Variants in CSMD1 observed in about 807,000 individuals in gnomAD.
The protein encoded by CSMD1 is CUB and Sushi multiple domains 1, also known as CUB and sushi domain-containing protein 1.
A neutral mutation model predicts 417.5 loss-of-function variants in CSMD1; 213 were observed. The ratio of observed to expected loss-of-function variants is 0.51; its 90% CI spans 0.46 to 0.57. CSMD1 has a LOEUF of 0.57. CSMD1 is among the 20% of genes least tolerant of loss of function. The probability of loss-of-function intolerance (pLI) is 0.00; values close to 1 mark genes in which losing one functional copy is unlikely to be tolerated. For synonymous variants in CSMD1, 2,862 were observed against 1,736.8 expected (o/e 1.65, Z -16.11); for missense variants, 6,923 against 4,529.7 (o/e 1.53, Z -15.17).
At chr8:4,004,926 A>G (rs1815988205) in intron 4 of CSMD1, among the ~76,000 whole-genome samples, 1 of 152,150 alleles carries the variant, frequency 6.6e-6, no homozygotes, top group South Asian at 2.1e-4. Flanking sequence ...TTGTATTTTT[A>G]GTAGAGACAG....
chr8:4,025,167 A>C (rs949370469), intron 4 of CSMD1, among the ~76,000 whole-genome samples: 3 of 152,222 alleles, frequency 2.0e-5, no homozygotes, highest in African/African-American at 4.8e-5. Flanking sequence ...AGCTCCTGTG[A>C]AGAAATGCAC....
chr8:3,393,643 G>A (rs1811481738), intron 17 of CSMD1, among the ~76,000 whole-genome samples: 1 of 151,914 alleles, frequency 6.6e-6, no homozygotes, highest in Non-Finnish European at 1.5e-5. Context: ...TATACACAAT[G>A]GAATAGTATG....
Position 4,420,309 on chromosome 8 carries a change from A to G in CSMD1, c.303-244T>C, listed in dbSNP as rs74495645. Among the ~76,000 whole-genome samples the G allele has an allele frequency of 2.6e-5, 4 of 152,228 alleles. No individual in the cohort carries two copies. The East Asian group carries it at 7.7e-4, about 29-fold the overall frequency. On this transcript the variant is annotated intron_variant, in intron 2 of 69. Coordinates refer to ENST00000635120, the MANE Select transcript of CSMD1 (RefSeq NM_033225.6). Reference sequence around the variant, plus strand: ...TTTCTTCTTGAAAATACTTACTTATATAATATGCCATTGTCTTAAATGCTC... The same window carrying G: ...TTTCTTCTTGAAAATACTTACTTATGTAATATGCCATTGTCTTAAATGCTC...
chr8:4,057,777 T>G (rs1192841515), intron 3 of CSMD1, among the ~76,000 whole-genome samples: 4 of 152,152 alleles, frequency 2.6e-5, no homozygotes, highest in Non-Finnish European at 4.4e-5. Flanking sequence ...CCAGCACCAT[T>G]TAATAAATAG....
At chr8:3,096,778 C>G in intron 47 of CSMD1, 71 bp downstream of exon 47, 1 of 1,006,204 alleles carries the variant, frequency 9.9e-7, no homozygotes, top group Non-Finnish European at 1.4e-6. Flanking sequence ...CTTTATGTTA[C>G]TAAAACATTG....
At chr8:3,763,762 G>A (rs920604633) in intron 5 of CSMD1, among the ~76,000 whole-genome samples, 1 of 152,118 alleles carries the variant, frequency 6.6e-6, no homozygotes, top group African/African-American at 2.4e-5. Flanking sequence ...GATAAATGGT[G>A]GTAGGACAAT....
chr8:3,785,642 T>C (rs1036472431), intron 5 of CSMD1, among the ~76,000 whole-genome samples: 7 of 152,186 alleles, frequency 4.6e-5, no homozygotes, highest in African/African-American at 7.2e-5. Context: ...CGAGTGTTTA[T>C]TGAAGGAAGA....
chr8:2,979,840 C>T (rs1489566573), intron 54 of CSMD1, among the ~76,000 whole-genome samples: 1 of 152,164 alleles, frequency 6.6e-6, no homozygotes, highest in East Asian at 1.9e-4. Flanking sequence ...CCAAAACAAA[C>T]AAAAAGCCAT....
intron 3 of CSMD1, among the ~76,000 whole-genome samples, chr8:4,138,449 C>T (rs1427096258): frequency 6.6e-6 from 1 of 152,046 alleles, no homozygotes. Flanking sequence ...CAAAAAAACA[C>T]AGAACGCAGG....
At chr8:4,899,262 C>T (rs532579355) in intron 1 of CSMD1, among the ~76,000 whole-genome samples, 3 of 152,248 alleles carry the variant, frequency 2.0e-5, no homozygotes, top group African/African-American at 4.8e-5. Context: ...TAAGGTATTG[C>T]CATCCATGCA....
chr8:4,464,185 T>A (rs1213362118), intron 2 of CSMD1, among the ~76,000 whole-genome samples: 1 of 152,296 alleles, frequency 6.6e-6, no homozygotes, highest in East Asian at 1.9e-4. Context: ...CTTACAGGAC[T>A]CTAATTTAGC....
intron 1 of CSMD1, among the ~76,000 whole-genome samples, chr8:4,862,947 A>T: frequency 6.6e-6 from 1 of 151,942 alleles, no homozygotes; most frequent in East Asian, 1.9e-4. Flanking sequence ...TAAGAGAGAT[A>T]ATGGCCACAA....
intron 1 of CSMD1, among the ~76,000 whole-genome samples, chr8:4,695,130 G>C (rs1019701666): frequency 2.6e-5 from 4 of 152,046 alleles, no homozygotes; most frequent in African/African-American, 9.7e-5. Flanking sequence ...CGACCACCGT[G>C]ACTTATCAAA....
Position 3,797,681 on chromosome 8 carries a change from G to C in CSMD1, c.819-43639C>G, listed in dbSNP as rs540344351. On this transcript the variant is annotated intron_variant, in intron 5 of 69. Coordinates refer to ENST00000635120, the MANE Select transcript of CSMD1 (RefSeq NM_033225.6). ...TATCTCTCCAATTAATGGACTTTTGGATTGTTTCACCTTTTGGCTAATACA... is the reference window on the plus strand; with the variant it reads ...TATCTCTCCAATTAATGGACTTTTGCATTGTTTCACCTTTTGGCTAATACA... Among the ~76,000 whole-genome samples the C allele has an allele frequency of 2.0e-5, 3 of 151,928 alleles. No homozygotes were observed. The East Asian group carries it at 5.8e-4, about 29-fold the overall frequency.
At chr8:3,972,543 G>A (rs1813159250) in intron 5 of CSMD1, among the ~76,000 whole-genome samples, 1 of 152,136 alleles carries the variant, frequency 6.6e-6, no homozygotes, top group Non-Finnish European at 1.5e-5. Context: ...AAGCACGTGT[G>A]ACCACATATT....
At chr8:3,823,205 T>C (rs950522865) in intron 5 of CSMD1, among the ~76,000 whole-genome samples, 8 of 152,140 alleles carry the variant, frequency 5.3e-5, no homozygotes, top group African/African-American at 1.7e-4. Flanking sequence ...TTTGCAATAT[T>C]GGTGGGTTAT....
intron 6 of CSMD1, among the ~76,000 whole-genome samples, chr8:3,717,218 A>G (rs780268967): frequency 1.3e-5 from 2 of 152,220 alleles, no homozygotes; most frequent in Non-Finnish European, 2.9e-5. Flanking sequence ...AAATTATATT[A>G]GTAAACGTAC....
chr8:4,984,422 A>G (rs1428777327), intron 1 of CSMD1, among the ~76,000 whole-genome samples: 2 of 152,216 alleles, frequency 1.3e-5, no homozygotes, highest in Non-Finnish European at 2.9e-5. Flanking sequence ...TTAAAGAGCA[A>G]TGAATCAATG....
At chr8:4,208,238 C>G (rs1193163388) in intron 3 of CSMD1, among the ~76,000 whole-genome samples, 2 of 152,016 alleles carry the variant, frequency 1.3e-5, no homozygotes, top group African/African-American at 2.4e-5. Context: ...GGTAACTGCT[C>G]CTGTTATAAT....
Sources: allele counts gnomAD v4.1 joint callset (sites outside exome capture counted in the v4.1 genomes callset), GRCh38; gene constraint gnomAD v4.1.1; transcripts MANE v1.5; gene names NCBI Gene and HGNC (gene_info 2026-07-23, HGNC 2026-07-21).